The following MCF2L variants were observed in gnomAD, a reference collection of about 807,000 sequenced individuals.
MCF2L encodes the protein MCF.2 cell line derived transforming sequence like, also known as guanine nucleotide exchange factor DBS.
In MCF2L, 97 loss-of-function variants were observed where a neutral mutation model predicts 153.4. The ratio of observed to expected loss-of-function variants is 0.63; its 90% CI spans 0.54 to 0.75. The LOEUF is 0.75. Among genes scored for constraint, MCF2L ranks in the 30% least tolerant of loss-of-function variants. The pLI is 0.00. For synonymous variants in MCF2L, 659 were observed against 632.2 expected (o/e 1.04, Z -0.64); for missense variants, 1,347 against 1,495.2 (o/e 0.90, Z 1.64).
chr13:113,015,924 G>A (rs375210620), intron 2 of MCF2L, among the ~76,000 whole-genome samples: 3 of 152,110 alleles, frequency 2.0e-5, no homozygotes, highest in Non-Finnish European at 4.4e-5. Context: ...GGTTTCTGCC[G>A]GTTCCTCCTG....
chr13:112,950,599 C>G (rs1278065394), intron 2 of MCF2L, among the ~76,000 whole-genome samples: 2 of 152,122 alleles, frequency 1.3e-5, no homozygotes, highest in African/African-American at 2.4e-5. Context: ...TGATTTTTGA[C>G]AGAGATGTAA....
At chr13:113,025,246 A>G (rs77055254) in intron 3 of MCF2L, among the ~76,000 whole-genome samples, 2,574 of 21,358 alleles carry the variant, frequency 0.12, 516 homozygotes, top group South Asian at 0.22. Flanking sequence ...TCCCTGTGAG[A>G]TTTCCCCGTC....
chr13:113,012,937 T>G (rs1234397375), intron 1 of MCF2L, among the ~76,000 whole-genome samples: 27 of 140,542 alleles, frequency 1.9e-4, no homozygotes, highest in African/African-American at 7.2e-4. Context: ...GGACAGGCGG[T>G]GTGGACGGTG....
intron 2 of MCF2L, among the ~76,000 whole-genome samples, chr13:112,947,712 T>C (rs2081651942): frequency 6.6e-6 from 1 of 152,048 alleles, no homozygotes; most frequent in Non-Finnish European, 1.5e-5. Flanking sequence ...CCCCCAGGGG[T>C]TGCTGGGCTC....
chr13:112,940,046 A>T (rs998118537), intron 2 of MCF2L, among the ~76,000 whole-genome samples: 2 of 151,396 alleles, frequency 1.3e-5, no homozygotes, highest in Non-Finnish European at 2.9e-5. Flanking sequence ...TGATTGGGTC[A>T]GAGGCCTTCT....
intron 2 of MCF2L, among the ~76,000 whole-genome samples, chr13:112,961,811 A>G (rs1048978159): frequency 1.3e-5 from 2 of 152,174 alleles, no homozygotes; most frequent in Non-Finnish European, 2.9e-5. Context: ...AGGAGAGGCC[A>G]CTGATGGATG....
Position 113,077,694 on chromosome 13 carries a change from G to A in MCF2L, c.1660+483G>A, listed in dbSNP as rs556792974. Among the ~76,000 whole-genome samples the A allele has an allele frequency of 5.7e-4, 87 of 152,136 alleles. 1 individual carries two copies. Among genetic ancestry groups the A allele is most frequent in the Non-Finnish European group, 1.1e-3 (76 of 68,026 alleles). On this transcript the variant is annotated intron_variant, in intron 13 of 29. Coordinates refer to ENST00000535094, the MANE Select transcript of MCF2L (RefSeq NM_001112732.3). ...CCACGTCCGCGCACCTCAGTCCGGC[G>A]CGCATTGCTGGTCCCAAACCCGCCC...
chr13:112,935,863 G>A (rs987348821), intron 2 of MCF2L, among the ~76,000 whole-genome samples: 4 of 152,134 alleles, frequency 2.6e-5, no homozygotes, highest in Admixed American at 6.5e-5. Context: ...GGAAAAGGCC[G>A]TGTGATGATG....
chr13:112,940,525 A>G (rs893087892), intron 2 of MCF2L, among the ~76,000 whole-genome samples: 1 of 152,238 alleles, frequency 6.6e-6, no homozygotes, highest in African/African-American at 2.4e-5. Context: ...CCCGCTGCCT[A>G]TGTGGGTCAC....
intron 2 of MCF2L, among the ~76,000 whole-genome samples, chr13:112,948,181 C>T (rs1035929751): frequency 4.6e-5 from 7 of 152,192 alleles, no homozygotes; most frequent in African/African-American, 1.7e-4. Context: ...CCGAAATGCC[C>T]TTGGGGCCGT....
rs9577405 is a variant in MCF2L, at chr13:112,973,707, G to A, written c.79+4249G>A. Among the ~76,000 whole-genome samples the A allele has an allele frequency of 4.9e-3, 750 of 152,326 alleles. 26 individuals are homozygous for A. The East Asian group carries it at 0.1, about 21-fold the overall frequency. On this transcript the variant is annotated intron_variant, in intron 1 of 29. Transcript: ENST00000535094. Reference sequence around the variant, plus strand: ...ATGAGCTCCCGGGGGTTTCAGTTCCGGCCTGCTCTGAGGACACTGGGGGGC... The same window carrying A: ...ATGAGCTCCCGGGGGTTTCAGTTCCAGCCTGCTCTGAGGACACTGGGGGGC...
At chr13:112,961,600 C>T (rs1335033225) in intron 2 of MCF2L, among the ~76,000 whole-genome samples, 2 of 152,246 alleles carry the variant, frequency 1.3e-5, no homozygotes, top group South Asian at 2.1e-4. Flanking sequence ...CCACCCCTCT[C>T]GAGGCCCTTC....
intron 1 of MCF2L, among the ~76,000 whole-genome samples, chr13:112,991,720 T>G (rs1487589490): frequency 3.3e-5 from 5 of 152,204 alleles, no homozygotes; most frequent in Non-Finnish European, 5.9e-5. Context: ...TGCAGCAGTC[T>G]GTGCTCCCTG....
rs2141197950 is a variant in MCF2L, at chr13:113,014,869, G to A, written c.163+23G>A. 3.1e-6 allele frequency: 5 copies of A among 1,610,640 alleles called. No homozygotes were observed. In the South Asian group the frequency reaches 5.5e-5, roughly 18 times the overall value. On this transcript the variant is annotated intron_variant, in intron 2 of 29. Transcript: ENST00000535094. ...CCGGTGAGTTCCAGAAGCTGGGATG[G>A]GGTGGAGAGGGAGGGGTCTGGGGCC...
chr13:113,021,728 C>T (rs551636713), intron 2 of MCF2L, among the ~76,000 whole-genome samples: 30 of 152,318 alleles, frequency 2.0e-4, no homozygotes, highest in South Asian at 8.3e-4. Flanking sequence ...CCGCGTCCAG[C>T]GGTGTTTTGC....
chr13:113,045,137 C>T lies in MCF2L; in HGVS notation c.279-134C>T. On this transcript the variant is annotated intron_variant, in intron 3 of 29. Coordinates refer to ENST00000535094, the MANE Select transcript of MCF2L (RefSeq NM_001112732.3). This position sits in a 1 kb window ranked among gnomAD's most constrained non-coding sequence, Gnocchi z 4.2. ...GCTGCCGGGGCCCCCGTGTGCCATG[C>T]CTCTCACCTGGTATTGCAGAAATGG... 1.1e-6 allele frequency: 1 copy of T among 924,820 alleles called. No homozygotes were observed. Among genetic ancestry groups the T allele is most frequent in the Non-Finnish European group, 1.7e-6 (1 of 576,920 alleles). 57.3% of individuals were successfully genotyped at this position (924,820 alleles called of 1,614,324 possible). A position where few individuals can be genotyped will look rare whatever the true frequency, so the allele number is the denominator to read the frequency against.
rs76049880 is a variant in MCF2L, at chr13:113,079,336, A to C, written c.1808+597A>C. 5.2e-3 allele frequency among the ~76,000 whole-genome samples: 787 copies of C among 152,092 alleles called. 3 individuals carry two copies. Among genetic ancestry groups the C allele is most frequent in the Non-Finnish European group, 9.4e-3 (642 of 68,002 alleles). ...CCCAGAGCAAAACTGGGAAGGAGCC[A>C]AACACCCATGAGGCACACGCGGCTC... On this transcript the variant is annotated intron_variant, in intron 15 of 29. Coordinates refer to ENST00000535094, the MANE Select transcript of MCF2L (RefSeq NM_001112732.3).
At chr13:113,000,629 G>A (rs577852206) in intron 1 of MCF2L, among the ~76,000 whole-genome samples, 10 of 152,254 alleles carry the variant, frequency 6.6e-5, no homozygotes, top group Admixed American at 6.5e-4. Flanking sequence ...TCCAGCAAGC[G>A]TTTGGACCTG....
rs111471029 is a variant in MCF2L at position 112,914,035 on chromosome 13, C to G, written c.169+11664C>G. 3.6e-4 allele frequency among the ~76,000 whole-genome samples: 55 copies of G among 152,326 alleles called. 5 individuals carry two copies. Among genetic ancestry groups the G allele is most frequent in the African/African-American group, 1.3e-3 (54 of 41,562 alleles). ...CGTTAGCATCCCCAGCCCCTTCTCC[C>G]CCTGTGAGCCAGCCTGGGTTCTTTT... On this transcript the variant is annotated intron_variant, in intron 2 of 29. Coordinates refer to the MCF2L transcript ENST00000375608.
Sources: allele counts gnomAD v4.1 joint callset (sites outside exome capture counted in the v4.1 genomes callset), GRCh38; gene constraint gnomAD v4.1.1; non-coding constraint Gnocchi (gnomAD v3.1); transcripts MANE v1.5; gene names NCBI Gene and HGNC (gene_info 2026-07-23, HGNC 2026-07-21).